Variants in SGCZ observed in about 807,000 individuals in gnomAD.
SGCZ encodes the protein zeta-sarcoglycan.
A neutral mutation model predicts 41.3 loss-of-function variants in SGCZ; 40 were observed. The observed-to-expected ratio is 0.97, with a 90% CI of 0.75 to 1.26. The LOEUF (loss-of-function observed/expected upper bound fraction) is 1.26. SGCZ is among the 50% of genes most tolerant of loss of function. The pLI is 0.00. For synonymous variants in SGCZ, 206 were observed against 137.5 expected (o/e 1.50, Z -3.49); for missense variants, 552 against 369.8 (o/e 1.49, Z -4.04).
chr8:14,443,449 G>C (rs569571776), intron 2 of SGCZ, among the ~76,000 whole-genome samples: 4 of 152,158 alleles, frequency 2.6e-5, no homozygotes, highest in African/African-American at 4.8e-5. Context: ...CATGGTACTG[G>C]TACCAAAACA....
In SGCZ at chr8:15,059,484, A is replaced by C. The variant is rs561226956; in HGVS notation, c.39+178101T>G. ...ATGGTTTCTTTTAGATCCTCCATAA[A>C]AGGGAAGCAATTAAAAATTGCTTTA... On this transcript the variant is annotated intron_variant, in intron 1 of 7. Coordinates refer to ENST00000382080, the MANE Select transcript of SGCZ (RefSeq NM_139167.4). Among the ~76,000 whole-genome samples, 56 of 152,304 alleles carry C rather than the reference A, an allele frequency of 3.7e-4. 1 individual carries two copies. The South Asian group carries it at 4.3e-3, about 12-fold the overall frequency.
chr8:14,489,867 C>T (rs28664039), intron 2 of SGCZ, among the ~76,000 whole-genome samples: 63,965 of 135,692 alleles, frequency 0.47, 15,148 homozygotes, highest in Admixed American at 0.52. Context: ...ATTCTCCTAC[C>T]TTTTTTTTTT....
chr8:14,619,890 C>A (rs1042533205), intron 1 of SGCZ, among the ~76,000 whole-genome samples: 1 of 152,068 alleles, frequency 6.6e-6, no homozygotes. Flanking sequence ...GATTCAATGC[C>A]ATCCCATCAA....
chr8:14,405,941 G>A (rs1299267391), intron 2 of SGCZ, among the ~76,000 whole-genome samples: 5 of 152,082 alleles, frequency 3.3e-5, no homozygotes, highest in African/African-American at 1.2e-4. Flanking sequence ...TATGCAATGA[G>A]CACCCTAGTT....
chr8:15,064,235 G>A (rs1459882279), intron 1 of SGCZ, among the ~76,000 whole-genome samples: 4 of 152,162 alleles, frequency 2.6e-5, no homozygotes, highest in East Asian at 3.9e-4. Flanking sequence ...ATATTTCTCA[G>A]AAGCACAAAG....
intron 1 of SGCZ, among the ~76,000 whole-genome samples, chr8:14,841,694 G>A (rs773629112): frequency 1.3e-5 from 2 of 152,150 alleles, no homozygotes; most frequent in Non-Finnish European, 2.9e-5. Context: ...CATACTAAAT[G>A]GAATTACTGT....
At chr8:14,766,727 ATTT>A (rs33955290) in intron 1 of SGCZ, among the ~76,000 whole-genome samples, 507 of 92,794 alleles carry the variant, frequency 5.5e-3, no homozygotes, top group East Asian at 0.013. Context: ...ATGTCCAGCT[ATTT>A]TTTTTTTTTT....
chr8:14,564,002 T>G (rs1804283332), intron 1 of SGCZ, among the ~76,000 whole-genome samples: 1 of 152,232 alleles, frequency 6.6e-6, no homozygotes, highest in African/African-American at 2.4e-5. Flanking sequence ...TCTCACTCAC[T>G]AATTTGATTC....
intron 2 of SGCZ, among the ~76,000 whole-genome samples, chr8:14,515,661 G>T (rs1802599316): frequency 6.6e-6 from 1 of 152,084 alleles, no homozygotes; most frequent in South Asian, 2.1e-4. Flanking sequence ...TTATGTGAGT[G>T]AAAATTTCTG....
chr8:15,001,921 C>G (rs1802438560), intron 1 of SGCZ, among the ~76,000 whole-genome samples: 3 of 151,956 alleles, frequency 2.0e-5, no homozygotes, highest in Admixed American at 2.0e-4. Context: ...CCATGCTAGG[C>G]AGTTTGATTC....
intron 5 of SGCZ, among the ~76,000 whole-genome samples, chr8:14,154,027 G>T (rs997616983): frequency 2.6e-5 from 4 of 152,030 alleles, no homozygotes; most frequent in Admixed American, 1.3e-4. Context: ...ATCAGAGCCT[G>T]ACCATGTTGG....
intron 1 of SGCZ, among the ~76,000 whole-genome samples, chr8:14,626,519 C>T (rs1206954638): frequency 6.6e-6 from 1 of 152,116 alleles, no homozygotes; most frequent in Non-Finnish European, 1.5e-5. Context: ...TGTGAACTTA[C>T]TTGAAAATGG....
intron 4 of SGCZ, among the ~76,000 whole-genome samples, chr8:14,191,873 T>C (rs1585217327): frequency 6.6e-6 from 1 of 152,240 alleles, no homozygotes; most frequent in Middle Eastern, 3.4e-3. Flanking sequence ...CCATATCCTG[T>C]AGGATTCCTC....
intron 1 of SGCZ, among the ~76,000 whole-genome samples, chr8:14,619,834 A>G (rs1806225651): frequency 6.6e-6 from 1 of 152,208 alleles, no homozygotes; most frequent in Admixed American, 6.5e-5. Context: ...ATGTACAGGA[A>G]GAATCAATAT....
At chr8:14,434,579 T>C (rs545004241) in intron 2 of SGCZ, among the ~76,000 whole-genome samples, 3 of 152,210 alleles carry the variant, frequency 2.0e-5, no homozygotes, top group Admixed American at 6.5e-5. Flanking sequence ...TTTCACAATA[T>C]TGATTCTACC....
At chr8:14,207,551 A>C (rs1805657493) in intron 4 of SGCZ, among the ~76,000 whole-genome samples, 1 of 152,128 alleles carries the variant, frequency 6.6e-6, no homozygotes, top group African/African-American at 2.4e-5. Flanking sequence ...TTAAAGCTTA[A>C]ATATCTTTTT....
chr8:14,890,300 C>T (rs1013209323), intron 1 of SGCZ, among the ~76,000 whole-genome samples: 1 of 151,312 alleles, frequency 6.6e-6, no homozygotes. Context: ...AGGAAAGAAA[C>T]GAAAGAAAAG....
intron 1 of SGCZ, among the ~76,000 whole-genome samples, chr8:14,981,031 C>G (rs546517587): frequency 2.4e-4 from 36 of 152,134 alleles, no homozygotes; most frequent in Non-Finnish European, 4.1e-4. Context: ...AATCGGACTG[C>G]CCTACTAAAT....
chr8:14,993,991 T>C (rs1359786392), intron 1 of SGCZ, among the ~76,000 whole-genome samples: 1 of 152,208 alleles, frequency 6.6e-6, no homozygotes, highest in Non-Finnish European at 1.5e-5. Flanking sequence ...TTTGGTAGGA[T>C]ACGGCAGCAA....
Sources: allele counts gnomAD v4.1 joint callset (sites outside exome capture counted in the v4.1 genomes callset), GRCh38; gene constraint gnomAD v4.1.1; transcripts MANE v1.5; gene names NCBI Gene and HGNC (gene_info 2026-07-23, HGNC 2026-07-21).